The following COL1A1 variants were observed in gnomAD, a reference collection of about 807,000 sequenced individuals.
COL1A1 encodes collagen type I alpha 1 chain, also known as collagen alpha-1(I) chain.
A neutral mutation model predicts 195.7 loss-of-function variants in COL1A1; 21 were observed. The observed-to-expected ratio is 0.11, with a 90% confidence interval of 0.08 to 0.15. COL1A1 has a LOEUF of 0.15. Among genes scored for constraint, COL1A1 ranks in the 10% least tolerant of loss-of-function variants. COL1A1 has a pLI of 1.00. For missense variants in COL1A1, 1,365 were observed against 2,051.0 expected, an observed-to-expected ratio of 0.67 and a Z score of 6.46; for synonymous variants, 749 against 747.3, an observed-to-expected ratio of 1.00 and a Z score of -0.04.
intron 5 of COL1A1, chr17:50,198,809 A>G: frequency 8.7e-6 from 4 of 460,838 alleles, no homozygotes; most frequent in South Asian, 6.5e-5. Flanking sequence ...AACGCAATAC[A>G]TAATCCTGGA....
chr17:50,198,631 T>A, intron 5 of COL1A1, 127 bp from the exon 6 acceptor site: 1 of 670,562 alleles, frequency 1.5e-6, no homozygotes, highest in Non-Finnish European at 2.4e-6. Flanking sequence ...ACATTGCTTT[T>A]AAGACATTCC....
chr17:50,196,054 G>C (rs1907555330), intron 15 of COL1A1, 78 bp from the exon 16 acceptor site: 1 of 1,602,052 alleles, frequency 6.2e-7, no homozygotes, highest in Admixed American at 1.7e-5. Context: ...AGGAAGTCCT[G>C]GGGTTCAGAC....
In COL1A1 at chr17:50,186,113, C is replaced by G; in HGVS notation, c.4006-93G>C. The G allele has an allele frequency of 5.1e-6, 8 of 1,577,584 alleles. No homozygotes were observed. Among genetic ancestry groups the G allele is most frequent in the Non-Finnish European group, 6.9e-6 (8 of 1,164,408 alleles). On this transcript the variant is annotated intron_variant, in intron 49 of 50. Transcript: ENST00000225964. The surrounding 1 kb of genome is among the most constrained non-coding windows in gnomAD (Gnocchi z 5.3). ...CTGTCCAGGGTCCTCAGAGAGCTGC[C>G]CAATGCACCGTTATATCGAGAGGAG...
chr17:50,200,050 G>T, intron 1 of COL1A1, 103 bp from the exon 2 acceptor site: 2 of 1,208,944 alleles, frequency 1.7e-6, no homozygotes, highest in Non-Finnish European at 2.5e-6. Context: ...TTCACTTCCC[G>T]CCCCTCCCCC....
At position 50,199,265 on chromosome 17, in the gene COL1A1, G is replaced by A. The variant is rs1364224551; in HGVS notation, c.432C>T (p.Pro144=). 1 of 1,493,574 alleles carries A rather than the reference G, an allele frequency of 6.7e-7. No homozygotes were observed. The highest frequency in any genetic ancestry group is 2.1e-5 in the Admixed American group (1 of 46,662). The allele number at this position is 1,493,574 out of a possible 1,614,324, so 92.5% of individuals were successfully genotyped here. The change falls in exon 5 of 51, where the codon CCC becomes CCT. Residue 144 remains proline (P), a synonymous_variant. Coordinates refer to ENST00000225964, the MANE Select transcript of COL1A1 (RefSeq NM_000088.4). The stretch of plus-strand genomic sequence containing the variant: ...GGGGTCCGGGAGGTCCGGGGGGTCC[G>A]GGGGGTCCGGGAAGTCCAGGCTGTC... ...IPGQPGLPGP[P]GPPGPPGPPG...
At position 50,199,733 on chromosome 17, in the gene COL1A1, G is replaced by T. The variant is rs1369557554; in HGVS notation, c.298+20C>A. On this transcript the variant is annotated intron_variant, in intron 2 of 50. Transcript: ENST00000225964. ...CCCAGGCCCCAGGCCCCAGGCCCCA[G>T]GCCCCGAGCGCAGCCGCACCTGAGC... is the stretch of plus-strand genomic sequence containing the variant. 1 of 1,025,762 alleles carries T rather than the reference G, an allele frequency of 9.7e-7. No homozygotes were observed. The highest frequency in any genetic ancestry group is 2.9e-5 in the East Asian group (1 of 34,086). The allele number at this position is 1,025,762 out of a possible 1,614,324, so 63.5% of individuals were successfully genotyped here.
Position 50,194,836 on chromosome 17 carries a change from G to A in COL1A1, c.1354-8C>T. On this transcript the variant is annotated splice_polypyrimidine_tract_variant and splice_region_variant and intron_variant, in intron 20 of 50. Transcript: ENST00000225964. The surrounding 1 kb of genome is among the most constrained non-coding windows in gnomAD (Gnocchi z 6.8). The stretch of plus-strand genomic sequence containing the variant: ...TTGAACACCAACAGGGCCCTGGAGA[G>A]GGCCGAGAGGAGGAGGCGGCCTGTG... The A allele has an allele frequency of 1.3e-6, 2 of 1,568,862 alleles. No individual in the cohort carries two copies. Among genetic ancestry groups the A allele is most frequent in the South Asian group, 2.3e-5 (2 of 86,850 alleles).
At position 50,194,640 on chromosome 17, in the gene COL1A1, G is replaced by T; in HGVS notation, c.1462-14C>A. The stretch of plus-strand genomic sequence containing the variant: ...ACCAGGTCCACCCTGCAGGAGGAGA[G>T]GAGGCCAGTGAACTCCGCGACACAC... On this transcript the variant is annotated splice_polypyrimidine_tract_variant and intron_variant, in intron 21 of 50. Transcript: ENST00000225964. This position sits in a 1 kb window ranked among gnomAD's most constrained non-coding sequence, Gnocchi z 6.8. 6.4e-7 allele frequency: 1 copy of T among 1,559,524 alleles called. No individual in the cohort carries two copies. The highest frequency in any genetic ancestry group is 8.7e-7 in the Non-Finnish European group (1 of 1,151,398).
Position 50,190,164 on chromosome 17 carries a change from C to T in COL1A1, c.2452-56G>A, listed in dbSNP as rs1906952351. Reference sequence around the variant, plus strand: ...GGAAGGAGGCAGGAGTTTCCACTACCTGGGGGAGGAGCAGTAATGGAGGCA... The same window carrying T: ...GGAAGGAGGCAGGAGTTTCCACTACTTGGGGGAGGAGCAGTAATGGAGGCA... On this transcript the variant is annotated intron_variant, in intron 35 of 50. Transcript: ENST00000225964. This position sits in a 1 kb window ranked among gnomAD's most constrained non-coding sequence, Gnocchi z 4.7. 6.9e-7 allele frequency: 1 copy of T among 1,448,096 alleles called. No individual in the cohort carries two copies. The highest frequency in any genetic ancestry group is 1.1e-5 in the South Asian group (1 of 87,652). 89.7% of individuals were successfully genotyped at this position (1,448,096 alleles called of 1,614,324 possible).
chr17:50,186,860 G>A lies in COL1A1; in HGVS notation c.3594C>T (p.Phe1198=), dbSNP rs1425716188. The A allele has an allele frequency of 1.2e-6, 2 of 1,614,138 alleles. No individual in the cohort carries two copies. The highest frequency in any genetic ancestry group is 1.7e-6 in the Non-Finnish European group (2 of 1,180,046). ...CTTGAGGTGGCTGGGGCAGGAAGCT[G>A]AAGTCGAAACCAGCGCTGGGAGGAC... ...PPGPPSAGFD[F]SFLPQPPQEK... The change falls in exon 48 of 51, where the codon TTC becomes TTT. Residue 1198 remains phenylalanine (F), a synonymous_variant. Transcript: ENST00000225964. This position sits in a 1 kb window ranked among gnomAD's most constrained non-coding sequence, Gnocchi z 5.3.
chr17:50,196,471 T>A lies in COL1A1; in HGVS notation c.903+13A>T. ...CTGCCCCATCCCTGCCCTCTGGAAC[T>A]GGGCACACTCACCATCTGACCAGGA... On this transcript the variant is annotated intron_variant, in intron 13 of 50. Transcript: ENST00000225964. 3 of 1,614,168 alleles carry A rather than the reference T, an allele frequency of 1.9e-6. No individual in the cohort carries two copies. Among genetic ancestry groups the A allele is most frequent in the Non-Finnish European group, 1.7e-6 (2 of 1,180,024 alleles).
At position 50,188,466 on chromosome 17, in the gene COL1A1, T is replaced by C. The variant is rs566788560; in HGVS notation, c.3207+64A>G. 1 of 1,506,294 alleles carries C rather than the reference T, an allele frequency of 6.6e-7. No homozygotes were observed. Among genetic ancestry groups the C allele is most frequent in the African/African-American group, 1.4e-5 (1 of 72,974 alleles). 93.3% of individuals were successfully genotyped at this position (1,506,294 alleles called of 1,614,324 possible). A position where few individuals can be genotyped will look rare whatever the true frequency, so the allele number is the denominator to read the frequency against. ...GAAGTCCGACACCCATCCCCAGGCC[T>C]CTAAGGAGGCCTGAAGAGTCCCTGG... On this transcript the variant is annotated intron_variant, in intron 43 of 50. Transcript: ENST00000225964. The surrounding 1 kb of genome is among the most constrained non-coding windows in gnomAD (Gnocchi z 5.6).
At position 50,186,753 on chromosome 17, in the gene COL1A1, G is replaced by C. The variant is rs761711691; in HGVS notation, c.3701C>G (p.Thr1234Ser). The C allele has an allele frequency of 3.1e-6, 5 of 1,613,912 alleles. No individual in the cohort carries two copies. Among genetic ancestry groups the C allele is most frequent in the African/African-American group, 1.3e-5 (1 of 74,918 alleles). The part of the protein sequence containing the change: ...VRDRDLEVDT[T>S]LKSLSQQIEN... ...GATCTGCTGGCTCAGGCTCTTGAGGGTGGTGTCCACCTCGAGGTCACGGTC... is the reference window on the plus strand; with the variant it reads ...GATCTGCTGGCTCAGGCTCTTGAGGCTGGTGTCCACCTCGAGGTCACGGTC... Residue 1234 changes from threonine to serine, a missense_variant, in exon 48 of 51, where the codon ACC (threonine) becomes AGC (serine). By Grantham distance (58) the Thr-to-Ser change is moderately conservative. Around this residue, in one of 5 missense-constraint regions of COL1A1, gnomAD observed 273 missense variants for 338.6 expected, o/e 0.81. Transcript: ENST00000225964. This position sits in a 1 kb window ranked among gnomAD's most constrained non-coding sequence, Gnocchi z 5.3.
rs66664580 is a variant in COL1A1, at chr17:50,195,967, C to T, written c.1012G>A (p.Gly338Ser). Residue 338 changes from glycine (G) to serine (S), a missense_variant, in exon 16 of 51, where the codon GGC becomes AGC. Gly to Ser is a moderately conservative substitution (Grantham distance 56). Around this residue, in one of 5 missense-constraint regions of COL1A1, gnomAD observed 226 missense variants for 372.9 expected, o/e 0.61. Transcript: ENST00000225964. This position sits in a 1 kb window ranked among gnomAD's most constrained non-coding sequence, Gnocchi z 4.3. ...TGAAGPPGPT[G>S]PAGPPGFPGA... ...GGGAAGCCAGGAGGACCAGCGGGGC[C>T]GGTGGGACCCTGTGAATGAAATGGA... 6 of 1,594,402 alleles carry T rather than the reference C, an allele frequency of 3.8e-6. No homozygotes were observed. Among genetic ancestry groups the T allele is most frequent in the African/African-American group, 1.3e-5 (1 of 74,536 alleles).
Position 50,190,223 on chromosome 17 carries a change from CA to C in COL1A1, c.2451+103del, listed in dbSNP as rs1598290561. On this transcript the variant is annotated intron_variant, in intron 35 of 50. Coordinates refer to ENST00000225964, the MANE Select transcript of COL1A1 (RefSeq NM_000088.4). This position sits in a 1 kb window ranked among gnomAD's most constrained non-coding sequence, Gnocchi z 4.7. Reference sequence around the variant, plus strand: ...CTTGGGTGGGAAACAATCCCGTCTCCACCCTTCTCCCCTGAGGATGGCTGAC... The same window carrying C: ...CTTGGGTGGGAAACAATCCCGTCTCCCCCTTCTCCCCTGAGGATGGCTGAC... 1 of 1,266,558 alleles carries C rather than the reference CA, an allele frequency of 7.9e-7. No homozygotes were observed. Among genetic ancestry groups the C allele is most frequent in the Non-Finnish European group, 1.2e-6 (1 of 864,074 alleles). 78.5% of individuals were successfully genotyped at this position (1,266,558 alleles called of 1,614,324 possible). A position where few individuals can be genotyped will look rare whatever the true frequency, so the allele number is the denominator to read the frequency against.
Position 50,193,881 on chromosome 17 carries a change from A to G in COL1A1, c.1767+62T>C, listed in dbSNP as rs988407404. 5.6e-6 allele frequency: 8 copies of G among 1,437,296 alleles called. No individual in the cohort carries two copies. In the African/African-American group the frequency reaches 1.1e-4, roughly 20 times the overall value. The allele number at this position is 1,437,296 out of a possible 1,614,324, so 89.0% of individuals were successfully genotyped here. A position where few individuals can be genotyped will look rare whatever the true frequency, so the allele number is the denominator to read the frequency against. ...GGCACAGCTGAGCCCAGAGCCCAGG[A>G]CTCCTTCAAGTCTCAGGTGTGTTTG... On this transcript the variant is annotated intron_variant, in intron 25 of 50. Coordinates refer to ENST00000225964, the MANE Select transcript of COL1A1 (RefSeq NM_000088.4).
At chr17:50,193,301 T>G (rs558010146) in intron 25 of COL1A1, among the ~76,000 whole-genome samples, 4 of 152,250 alleles carry the variant, frequency 2.6e-5, no homozygotes, top group Admixed American at 2.6e-4. Flanking sequence ...AGGGCTTTCA[T>G]CTTCTCTGCT....
chr17:50,190,968 A>C lies in COL1A1; in HGVS notation c.2236-44T>G. ...TTGAGATTTCCAGTGTGGGGCAAGGAGGTGACCTATAGTGTTCTGCTTGTG... is the reference window on the plus strand; with the variant it reads ...TTGAGATTTCCAGTGTGGGGCAAGGCGGTGACCTATAGTGTTCTGCTTGTG... On this transcript the variant is annotated intron_variant, in intron 32 of 50. Coordinates refer to ENST00000225964, the MANE Select transcript of COL1A1 (RefSeq NM_000088.4). The surrounding 1 kb of genome is among the most constrained non-coding windows in gnomAD (Gnocchi z 4.7). The C allele has an allele frequency of 1.3e-6, 2 of 1,577,816 alleles. No homozygotes were observed. The highest frequency in any genetic ancestry group is 1.7e-6 in the Non-Finnish European group (2 of 1,148,106).
chr17:50,199,565 G>A lies in COL1A1; in HGVS notation c.324C>T (p.Thr108=), dbSNP rs1193008069. The A allele has an allele frequency of 1.2e-6, 2 of 1,614,064 alleles. No homozygotes were observed. The highest frequency in any genetic ancestry group is 1.3e-5 in the African/African-American group (1 of 74,930). Residue 108 remains threonine (T), a synonymous_variant, in exon 3 of 51, where the codon ACC becomes ACT. Coordinates refer to ENST00000225964, the MANE Select transcript of COL1A1 (RefSeq NM_000088.4). ...GAGGGCAGGAGATTACCTCGACGCC[G>A]GTGGTTTCTTGGTCGGTGGGTGACT... ...GSESPTDQET[T]GVEGPKGDTG...
Sources: gnomAD v4.1 joint callset for allele counts (sites outside exome capture counted in the v4.1 genomes callset) on GRCh38, gnomAD v4.1.1 for gene constraint, gnomAD v4.1.1 regional missense constraint, Gnocchi (gnomAD v3.1) non-coding constraint, MANE v1.5 for transcripts, NCBI Gene and HGNC (gene_info 2026-07-23, HGNC 2026-07-21) for gene names.